The following NOTCH4 variants were observed in gnomAD, a reference collection of about 807,000 sequenced individuals.
NOTCH4 encodes notch receptor 4.
Under a neutral mutation model 189.0 loss-of-function variants are expected in NOTCH4, and 138 were observed. The observed-to-expected ratio is 0.73, with a 90% CI of 0.64 to 0.84. The LOEUF (loss-of-function observed/expected upper bound fraction) is 0.84, where lower values mean the gene tolerates loss of function less well. Among genes scored for constraint, NOTCH4 ranks in the 40% least tolerant of loss-of-function variants. The pLI is 0.00. For synonymous variants in NOTCH4, 942 were observed against 1,032.8 expected (o/e 0.91, Z 1.69); for missense variants, 2,286 against 2,605.4 (o/e 0.88, Z 2.67).
Position 32,217,251 on chromosome 6 carries a change from C to A in NOTCH4, c.1640G>T (p.Arg547Leu), listed in dbSNP as rs140082058. The A allele has an allele frequency of 4.8e-5, 78 of 1,612,474 alleles. 1 individual carries two copies. The highest frequency in any genetic ancestry group is 1.5e-4 in the Admixed American group (9 of 59,948). Residue 547 changes from arginine to leucine, a missense_variant, in exon 10 of 30, where the codon CGA becomes CTA. Arg to Leu is a moderately radical substitution (Grantham distance 102). Coordinates refer to ENST00000375023, the MANE Select transcript of NOTCH4 (RefSeq NM_004557.4). The surrounding 1 kb of genome is among the most constrained non-coding windows in gnomAD (Gnocchi z 4.2). ...CICLPGFSGT[R>L]CEEDIDECRS... ...GCACTCATCGATATCCTCCTCACATCGGGTGCCGGAGAATCCTGGTGGGGC... is the reference window on the plus strand; with the variant it reads ...GCACTCATCGATATCCTCCTCACATAGGGTGCCGGAGAATCCTGGTGGGGC...
At position 32,201,498 on chromosome 6, in the gene NOTCH4, G is replaced by A; in HGVS notation, c.3758C>T (p.Pro1253Leu). 3 of 1,482,514 alleles carry A rather than the reference G, an allele frequency of 2.0e-6. No homozygotes were observed. Among genetic ancestry groups the A allele is most frequent in the Non-Finnish European group, 2.7e-6 (3 of 1,115,954 alleles). 91.8% of individuals were successfully genotyped at this position (1,482,514 alleles called of 1,614,324 possible). ...YDCETPPACT[P>L]AYDQYCHDHF... ...ATCATGGCAGTACTGGTCATAGGCT[G>A]GACTGTGGGGTAAGGAGAGGGGGAC... Residue 1253 changes from proline to leucine, a missense_variant and splice_region_variant, in exon 22 of 30, where the codon CCA (proline) becomes CTA (leucine). Around this residue, in one of 2 missense-constraint regions of NOTCH4, gnomAD observed 1,903 missense variants for 2,261.9 expected, o/e 0.84. Transcript: ENST00000375023. This position sits in a 1 kb window ranked among gnomAD's most constrained non-coding sequence, Gnocchi z 5.5.
Position 32,198,396 on chromosome 6 carries a change from TC to T in NOTCH4, c.4756+24del, listed in dbSNP as rs757207037. 1.4e-5 allele frequency: 22 copies of T among 1,576,804 alleles called. No individual in the cohort carries two copies. The highest frequency in any genetic ancestry group is 4.0e-5 in the Admixed American group (2 of 49,638). On this transcript the variant is annotated intron_variant, in intron 26 of 29. Coordinates refer to ENST00000375023, the MANE Select transcript of NOTCH4 (RefSeq NM_004557.4). The surrounding 1 kb of genome is among the most constrained non-coding windows in gnomAD (Gnocchi z 5.5). ...AGGGTCAAAGGACTTTTTTTTTTTT[TC>T]TTGGTCTGGGTTGACTCACATACCA...
intron 18 of NOTCH4, among the ~76,000 whole-genome samples, chr6:32,209,685 C>A (rs1788893601): frequency 6.6e-6 from 1 of 152,044 alleles, no homozygotes. Context: ...AGTTCTGAGA[C>A]CAGCCTGCCC....
rs1788243608 is a variant in NOTCH4 at position 32,200,082 on chromosome 6, GTTCCCAAGCA to G, written c.4315+739_4315+748del. ...TAAATCCGAAATCTGAAACACTTTTGTTCCCAAGCATTTCAGATAAGGGATACTCAACCAG... is the reference window on the plus strand; with the variant it reads ...TAAATCCGAAATCTGAAACACTTTTGTTTCAGATAAGGGATACTCAACCAG... On this transcript the variant is annotated intron_variant, in intron 23 of 29. Coordinates refer to ENST00000375023, the MANE Select transcript of NOTCH4 (RefSeq NM_004557.4). The surrounding 1 kb of genome is among the most constrained non-coding windows in gnomAD (Gnocchi z 5.0). 6.6e-6 allele frequency among the ~76,000 whole-genome samples: 1 copy of G among 152,136 alleles called. No homozygotes were observed. Among genetic ancestry groups the G allele is most frequent in the Non-Finnish European group, 1.5e-5 (1 of 68,034 alleles).
At position 32,197,374 on chromosome 6, in the gene NOTCH4, GT is replaced by G. The variant is rs1788014656; in HGVS notation, c.4976del (p.Asn1659ThrfsTer47). On this transcript the variant is annotated frameshift_variant, in exon 27 of 30. Coordinates refer to ENST00000375023, the MANE Select transcript of NOTCH4 (RefSeq NM_004557.4). LOFTEE classifies it high-confidence loss of function. ...AARRLLEAGANPNQPDRAGRT... is the reference protein window; with the variant it reads ...AARRLLEAGAXPNQPDRAGRT... ...GCCCTGCCCGGTCTGGCTGGTTGGG[GT>G]TGGCTCCAGCCTCAAGGAGGCGGCG... The G allele has an allele frequency of 6.5e-7, 1 of 1,536,986 alleles. No individual in the cohort carries two copies. The highest frequency in any genetic ancestry group is 1.4e-5 in the African/African-American group (1 of 72,454).
At position 32,195,908 on chromosome 6, in the gene NOTCH4, T is replaced by G; in HGVS notation, c.5541A>C (p.Ser1847=). 6.3e-7 allele frequency: 1 copy of G among 1,587,526 alleles called. No individual in the cohort carries two copies. Among genetic ancestry groups the G allele is most frequent in the Non-Finnish European group, 8.5e-7 (1 of 1,174,422 alleles). Residue 1847 remains serine (S), a synonymous_variant, in exon 30 of 30, where the codon TCA becomes TCC. Transcript: ENST00000375023. The surrounding 1 kb of genome is among the most constrained non-coding windows in gnomAD (Gnocchi z 5.4). Reference sequence around the variant, plus strand: ...CGCCCCCATGCGGGGGCACGCTTACTGACACCGTCCGTGCGCGCGGGAAGG... The same window carrying G: ...CGCCCCCATGCGGGGGCACGCTTACGGACACCGTCCGTGCGCGCGGGAAGG... ...AGPFPRARTV[S]VSVPPHGGGA...
intron 18 of NOTCH4, among the ~76,000 whole-genome samples, chr6:32,208,489 T>G (rs1788829940): frequency 6.6e-6 from 1 of 152,148 alleles, no homozygotes; most frequent in South Asian, 2.1e-4. Flanking sequence ...TCCCAGCACT[T>G]TCAGAGGTTG....
intron 5 of NOTCH4, 41 bp from the exon 6 acceptor site, chr6:32,220,682 G>T: frequency 6.2e-7 from 1 of 1,611,822 alleles, no homozygotes; most frequent in Non-Finnish European, 8.5e-7. Flanking sequence ...AAGGCTGGGA[G>T]CCCTATGAGT....
At chr6:32,213,536 A>G in intron 14 of NOTCH4, 152 bp downstream of exon 14, 2 of 1,006,848 alleles carry the variant, frequency 2.0e-6, no homozygotes, top group Non-Finnish European at 3.0e-6. Flanking sequence ...GGCCTTAGCC[A>G]CTGTGTGCCC....
In NOTCH4 at chr6:32,221,709, A is replaced by G. The variant is rs1561949345; in HGVS notation, c.452-384T>C. Among the ~76,000 whole-genome samples the G allele has an allele frequency of 6.6e-6, 1 of 151,996 alleles. No homozygotes were observed. Among genetic ancestry groups the G allele is most frequent in the Non-Finnish European group, 1.5e-5 (1 of 67,994 alleles). Reference sequence around the variant, plus strand: ...GAGCCACTTTGCCTTTCTGATCCTCATTTCCTAATCTTTAAGTGGGTTTAG... The same window carrying G: ...GAGCCACTTTGCCTTTCTGATCCTCGTTTCCTAATCTTTAAGTGGGTTTAG... On this transcript the variant is annotated intron_variant, in intron 3 of 29. Coordinates refer to ENST00000375023, the MANE Select transcript of NOTCH4 (RefSeq NM_004557.4). The surrounding 1 kb of genome is among the most constrained non-coding windows in gnomAD (Gnocchi z 4.3).
chr6:32,212,896 C>G lies in NOTCH4; in HGVS notation c.2454G>C (p.Arg818Ser). The G allele has an allele frequency of 6.4e-7, 1 of 1,560,618 alleles. No homozygotes were observed. The highest frequency in any genetic ancestry group is 8.7e-7 in the Non-Finnish European group (1 of 1,151,928). Reference sequence around the variant, plus strand: ...CCTGAGGGCTGTCCTGGCAGGTTGCCCTATTCCTACAGGGGCTGAACAAGA... The same window carrying G: ...CCTGAGGGCTGTCCTGGCAGGTTGCGCTATTCCTACAGGGGCTGAACAAGA... The part of the protein sequence containing the change: ...PSCADSPCRN[R>S]ATCQDSPQGP... The change falls in exon 16 of 30, where the codon AGG (arginine) becomes AGC (serine). Residue 818 changes from arginine to serine, a missense_variant. Around this residue, in one of 2 missense-constraint regions of NOTCH4, gnomAD observed 1,903 missense variants for 2,261.9 expected, o/e 0.84. Coordinates refer to ENST00000375023, the MANE Select transcript of NOTCH4 (RefSeq NM_004557.4). The surrounding 1 kb of genome is among the most constrained non-coding windows in gnomAD (Gnocchi z 4.4).
Position 32,197,439 on chromosome 6 carries a change from G to A in NOTCH4, c.4912C>T (p.Leu1638=), listed in dbSNP as rs772017309. 7.1e-6 allele frequency: 11 copies of A among 1,558,336 alleles called. No homozygotes were observed. In the African/African-American group the frequency reaches 1.4e-4, roughly 19 times the overall value. Residue 1638 remains leucine, a synonymous_variant, in exon 27 of 30, where the codon CTG becomes TTG. Transcript: ENST00000375023. ...CGGGAGAATCGGGCAGCCAGGTGCAGGGGGGTCTCCCCAGTGCCCACGGTG... is the reference window on the plus strand; with the variant it reads ...CGGGAGAATCGGGCAGCCAGGTGCAAGGGGGTCTCCCCAGTGCCCACGGTG... ...AHTVGTGETP[L]HLAARFSRPT...
chr6:32,197,056 C>T lies in NOTCH4; in HGVS notation c.5069G>A (p.Arg1690Lys). 1 of 1,612,716 alleles carries T rather than the reference C, an allele frequency of 6.2e-7. No homozygotes were observed. Among genetic ancestry groups the T allele is most frequent in the Non-Finnish European group, 8.5e-7 (1 of 1,180,006 alleles). Residue 1690 changes from arginine (R) to lysine (K), a missense_variant, in exon 28 of 30, where the codon AGA (arginine) becomes AAA (lysine). By Grantham distance (26) the Arg-to-Lys change is conservative. Transcript: ENST00000375023. ...REVCQLLLRS[R>K]QTAVDARTED... ...TGTGCGAGCGTCCACTGCAGTTTGTCTGCTACGGAGCAGAAGCTGGGGAGA... is the reference window on the plus strand; with the variant it reads ...TGTGCGAGCGTCCACTGCAGTTTGTTTGCTACGGAGCAGAAGCTGGGGAGA...
chr6:32,214,203 G>T lies in NOTCH4; in HGVS notation c.2074C>A (p.Leu692Ile), dbSNP rs1266370882. 6 of 1,613,612 alleles carry T rather than the reference G, an allele frequency of 3.7e-6. No individual in the cohort carries two copies. The highest frequency in any genetic ancestry group is 4.2e-6 in the Non-Finnish European group (5 of 1,179,806). Reference sequence around the variant, plus strand: ...CAGGGTGCAGAGATGCAGCCCCCTAGCTCTGCCTCACACTCTGGCCCCGTC... The same window carrying T: ...CAGGGTGCAGAGATGCAGCCCCCTATCTCTGCCTCACACTCTGGCCCCGTC... The part of the protein sequence containing the change: ...GWTGPECEAE[L>I]GGCISAPCAH... Residue 692 changes from leucine to isoleucine, a missense_variant, in exon 13 of 30, where the codon CTA becomes ATA. By Grantham distance (5) the Leu-to-Ile change is conservative. Around this residue, in one of 2 missense-constraint regions of NOTCH4, gnomAD observed 1,903 missense variants for 2,261.9 expected, o/e 0.84. Transcript: ENST00000375023.
At chr6:32,206,036 C>CAA (rs148768186) in intron 18 of NOTCH4, among the ~76,000 whole-genome samples, 1 of 136,396 alleles carries the variant, frequency 7.3e-6, no homozygotes, top group African/African-American at 2.7e-5. Context: ...GACTCTGTCT[C>CAA]AAAAAAAAAA....
At chr6:32,196,243 C>A in intron 29 of NOTCH4, 81 bp downstream of exon 29, 1 of 1,612,192 alleles carries the variant, frequency 6.2e-7, no homozygotes, top group Non-Finnish European at 8.5e-7. Flanking sequence ...GGCCCCTATC[C>A]CTTCAGGCTT....
rs778297168 is a variant in NOTCH4, at chr6:32,214,182, G to A, written c.2095C>T (p.Pro699Ser). ...TAGCAGGTCCCCCCATGGGCACAGG[G>A]TGCAGAGATGCAGCCCCCTAGCTCT... is the stretch of plus-strand genomic sequence containing the variant. ...EAELGGCISA[P>S]CAHGGTCYPQ... Residue 699 changes from proline to serine, a missense_variant, in exon 13 of 30, where the codon CCC becomes TCC. Transcript: ENST00000375023. 6.2e-7 allele frequency: 1 copy of A among 1,613,598 alleles called. No individual in the cohort carries two copies. The highest frequency in any genetic ancestry group is 2.2e-5 in the East Asian group (1 of 44,862).
chr6:32,217,322 G>T lies in NOTCH4; in HGVS notation c.1625-56C>A. On this transcript the variant is annotated intron_variant, in intron 9 of 29. Transcript: ENST00000375023. This position sits in a 1 kb window ranked among gnomAD's most constrained non-coding sequence, Gnocchi z 4.2. Reference sequence around the variant, plus strand: ...GGCCAAGGTCATCGAGGGAGGCACAGCATGGCGCCTTCCCTTGCCAGGAAA... The same window carrying T: ...GGCCAAGGTCATCGAGGGAGGCACATCATGGCGCCTTCCCTTGCCAGGAAA... The T allele has an allele frequency of 8.9e-7, 1 of 1,123,478 alleles. No individual in the cohort carries two copies. The highest frequency in any genetic ancestry group is 1.3e-6 in the Non-Finnish European group (1 of 744,964). The allele number at this position is 1,123,478 out of a possible 1,614,324, so 69.6% of individuals were successfully genotyped here. A position where few individuals can be genotyped will look rare whatever the true frequency, so the allele number is the denominator to read the frequency against.
chr6:32,195,830 G>A lies in NOTCH4; in HGVS notation c.5619C>T (p.Gly1873=), dbSNP rs2127458497. ...TLSAGAGPRG[G]GACLQARTWS... is the part of the protein sequence containing the mutation. ...AAGTCCGAGCCTGCAGACAAGCTCC[G>A]CCCCCACGAGGGCCTGCTCCGGCTG... is the stretch of plus-strand genomic sequence containing the variant. Residue 1873 remains glycine (G), a synonymous_variant, in exon 30 of 30, where the codon GGC becomes GGT. Transcript: ENST00000375023. The surrounding 1 kb of genome is among the most constrained non-coding windows in gnomAD (Gnocchi z 5.4). 6.3e-7 allele frequency: 1 copy of A among 1,598,688 alleles called. No individual in the cohort carries two copies. The highest frequency in any genetic ancestry group is 2.2e-5 in the East Asian group (1 of 44,762).
Sources: gnomAD v4.1 joint callset for allele counts (sites outside exome capture counted in the v4.1 genomes callset) on GRCh38, gnomAD v4.1.1 for gene constraint, gnomAD v4.1.1 regional missense constraint, Gnocchi (gnomAD v3.1) non-coding constraint, MANE v1.5 for transcripts, NCBI Gene and HGNC (gene_info 2026-07-23, HGNC 2026-07-21) for gene names.